LNP1: variants seen among roughly 807,000 people sequenced by gnomAD.
LNP1 encodes the protein leukemia NUP98 fusion partner 1.
Under a neutral mutation model 14.5 loss-of-function variants are expected in LNP1, and 12 were observed. That is an observed-to-expected ratio of 0.83 (90% CI 0.53 to 1.34). The LOEUF (loss-of-function observed/expected upper bound fraction) is 1.34, where lower values mean the gene tolerates loss of function less well. Among genes scored for constraint, LNP1 ranks in the 40% most tolerant of loss-of-function variants. LNP1 has a pLI of 0.00. For synonymous variants in LNP1, 75 were observed against 71.4 expected (o/e 1.05, Z -0.26); for missense variants, 198 against 210.9 (o/e 0.94, Z 0.38).
At chr3:100,419,117 G>A (rs927836623) in intron 1 of LNP1, among the ~76,000 whole-genome samples, 3 of 152,120 alleles carry the variant, frequency 2.0e-5, no homozygotes, top group African/African-American at 7.2e-5. Context: ...TAGTTTTGTC[G>A]TAGAGCTGTC....
intron 1 of LNP1, among the ~76,000 whole-genome samples, chr3:100,409,529 G>T (rs1202035058): frequency 1.4e-5 from 2 of 138,658 alleles, no homozygotes; most frequent in African/African-American, 5.5e-5. Context: ...TGCAATTCCA[G>T]CTCTCTCTCT....
intron 2 of LNP1, among the ~76,000 whole-genome samples, chr3:100,450,052 T>C (rs1030683892): frequency 1.3e-5 from 2 of 151,610 alleles, no homozygotes; most frequent in African/African-American, 4.8e-5. Context: ...TTTTTTTATT[T>C]TTCCTTTTGC....
chr3:100,411,941 C>T (rs1707035750), intron 1 of LNP1, among the ~76,000 whole-genome samples: 1 of 152,104 alleles, frequency 6.6e-6, no homozygotes, highest in African/African-American at 2.4e-5. Flanking sequence ...TCAATAAATA[C>T]TGTTTTAAGT....
At chr3:100,437,755 A>G (rs1386941807) in intron 2 of LNP1, among the ~76,000 whole-genome samples, 11 of 152,210 alleles carry the variant, frequency 7.2e-5, no homozygotes, top group Non-Finnish European at 5.9e-5. Flanking sequence ...CTAACTTTAT[A>G]ATAGAATTCT....
intron 1 of LNP1, among the ~76,000 whole-genome samples, chr3:100,418,756 C>T (rs1353196834): frequency 6.6e-6 from 1 of 151,998 alleles, no homozygotes; most frequent in Non-Finnish European, 1.5e-5. Context: ...CCACTCTTCA[C>T]AGTTTCTCCT....
chr3:100,434,736 C>T (rs920565904), intron 2 of LNP1, among the ~76,000 whole-genome samples: 4 of 151,722 alleles, frequency 2.6e-5, no homozygotes, highest in Admixed American at 6.6e-5. Context: ...ACCATGTTAG[C>T]CTGGCTGGTC....
intron 1 of LNP1, among the ~76,000 whole-genome samples, chr3:100,423,596 T>C (rs2148902065): frequency 6.6e-6 from 1 of 152,314 alleles, no homozygotes; most frequent in Non-Finnish European, 1.5e-5. Context: ...TTTTCACTGA[T>C]TACCTGGGCA....
chr3:100,409,182 C>T (rs981798845), intron 1 of LNP1, among the ~76,000 whole-genome samples: 1 of 152,100 alleles, frequency 6.6e-6, no homozygotes, highest in Non-Finnish European at 1.5e-5. Context: ...ACTCCTCCTC[C>T]CTAAGTTCCT....
chr3:100,406,924 AT>A (rs1235142104), intron 1 of LNP1, among the ~76,000 whole-genome samples: 1 of 152,200 alleles, frequency 6.6e-6, no homozygotes, highest in African/African-American at 2.4e-5. Flanking sequence ...GTTAACTTTG[AT>A]TATTTACACA....
intron 2 of LNP1, among the ~76,000 whole-genome samples, chr3:100,449,454 T>A (rs1208280081): frequency 1.3e-5 from 2 of 151,928 alleles, no homozygotes; most frequent in African/African-American, 4.8e-5. Flanking sequence ...CCAAAGGGAG[T>A]CTGGCACCTT....
Position 100,455,896 on chromosome 3 carries a change from GGCTCCCCTGTTT to G in LNP1, c.509_520del (p.Ala170_Phe173del). The G allele has an allele frequency of 6.2e-7, 1 of 1,612,982 alleles. No homozygotes were observed. Among genetic ancestry groups the G allele is most frequent in the Admixed American group, 1.7e-5 (1 of 59,578 alleles). On this transcript the variant is annotated inframe_deletion, in exon 4 of 4. Transcript: ENST00000383693. The stretch of plus-strand genomic sequence containing the variant: ...AAGAAGAGCATGGAGAAGCACACAT[GGCTCCCCTGTTT>G]GAAAAAGGGCCTGAATAATACTCTG...
rs1170292272 is a variant in LNP1, at chr3:100,402,110, CTT to C, written c.-359_-358del. ...TTTATCTATAATAGCTTTATCAACTCTTTTTCCGATGCTCTGCACCAGATCTC... is the reference window on the plus strand; with the variant it reads ...TTTATCTATAATAGCTTTATCAACTCTTTCCGATGCTCTGCACCAGATCTC... On this transcript the variant is annotated 5_prime_UTR_variant, in exon 1 of 4. Transcript: ENST00000383693. The C allele has an allele frequency of 1.3e-5, 2 of 152,166 alleles. No homozygotes were observed. Among genetic ancestry groups the C allele is most frequent in the Non-Finnish European group, 2.9e-5 (2 of 68,044 alleles). 9.4% of individuals were successfully genotyped at this position (152,166 alleles called of 1,614,324 possible).
At chr3:100,430,851 C>A (rs1006453422) in intron 2 of LNP1, among the ~76,000 whole-genome samples, 1 of 152,166 alleles carries the variant, frequency 6.6e-6, no homozygotes, top group Non-Finnish European at 1.5e-5. Flanking sequence ...TTCTTTGAGA[C>A]ACAAATATTT....
At chr3:100,409,635 T>C (rs923988734) in intron 1 of LNP1, among the ~76,000 whole-genome samples, 2 of 147,364 alleles carry the variant, frequency 1.4e-5, no homozygotes, top group South Asian at 2.1e-4. Flanking sequence ...CTCACTCTTA[T>C]AGCCCAGGCC....
intron 3 of LNP1, among the ~76,000 whole-genome samples, chr3:100,452,825 A>G (rs1707472952): frequency 6.6e-6 from 1 of 152,212 alleles, no homozygotes; most frequent in Non-Finnish European, 1.5e-5. Flanking sequence ...TGGTGATGCT[A>G]AACTTGATAC....
rs201579127 is a variant in LNP1 at position 100,409,555 on chromosome 3, C to T, written c.-34+7116C>T. On this transcript the variant is annotated intron_variant, in intron 1 of 3. Transcript: ENST00000383693. ...CTCTCTCTCTCTCTATATATATATACATACACACACACACACACACACACA... is the reference window on the plus strand; with the variant it reads ...CTCTCTCTCTCTCTATATATATATATATACACACACACACACACACACACA... Among the ~76,000 whole-genome samples, 861 of 104,658 alleles carry T rather than the reference C, an allele frequency of 8.2e-3. 7 individuals are homozygous for T. The highest frequency in any genetic ancestry group is 0.03 in the African/African-American group (827 of 27,396). The allele number at this position is 104,658 out of a possible 152,430, so 68.7% of individuals were successfully genotyped here. A position where few individuals can be genotyped will look rare whatever the true frequency, so the allele number is the denominator to read the frequency against.
intron 2 of LNP1, among the ~76,000 whole-genome samples, chr3:100,450,584 G>A (rs570927061): frequency 5.9e-5 from 9 of 152,082 alleles, no homozygotes; most frequent in South Asian, 2.1e-4. Context: ...TGATCCCTCC[G>A]CCTTGTCCTC....
Position 100,451,865 on chromosome 3 carries a change from A to C in LNP1, c.303A>C (p.Lys101Asn). The stretch of plus-strand genomic sequence containing the variant: ...CATTCAAGGAGCCACTGGAATCAAA[A>C]GGAAGATCCCATTCCAAAATTGAGA... ...DGSFKEPLES[K>N]GRSHSKIEKF... The change falls in exon 3 of 4, where the codon AAA (lysine) becomes AAC (asparagine). Residue 101 changes from lysine (K) to asparagine (N), a missense_variant. Coordinates refer to ENST00000383693, the MANE Select transcript of LNP1 (RefSeq NM_001085451.2). The C allele has an allele frequency of 6.2e-7, 1 of 1,614,140 alleles. No homozygotes were observed. Among genetic ancestry groups the C allele is most frequent in the Non-Finnish European group, 8.5e-7 (1 of 1,179,960 alleles).
At chr3:100,422,563 A>G (rs1576229125) in intron 1 of LNP1, among the ~76,000 whole-genome samples, 1 of 152,192 alleles carries the variant, frequency 6.6e-6, no homozygotes, top group East Asian at 1.9e-4. Flanking sequence ...TTTTGGAGAC[A>G]AAGCTACAGA....
Sources: gnomAD v4.1 joint callset for allele counts (sites outside exome capture counted in the v4.1 genomes callset) on GRCh38, gnomAD v4.1.1 for gene constraint, MANE v1.5 for transcripts, NCBI Gene and HGNC (gene_info 2026-07-23, HGNC 2026-07-21) for gene names.